Variants in KPNA7 observed in about 807,000 individuals in gnomAD.
KPNA7 encodes karyopherin subunit alpha 7.
Under a neutral mutation model 53.7 loss-of-function variants are expected in KPNA7, and 54 were observed. The observed-to-expected ratio is 1.01, with a 90% CI of 0.81 to 1.26. KPNA7 has a LOEUF of 1.26. KPNA7 is among the 50% of genes most tolerant of loss of function. The pLI is 0.00. For missense variants in KPNA7, 640 were observed against 644.5 expected (o/e 0.99, Z 0.07); for synonymous variants, 276 against 259.3 (o/e 1.06, Z -0.62).
At chr7:99,207,343 G>A (rs112266306) in intron 2 of KPNA7, 58 bp downstream of exon 2, 33 of 1,463,322 alleles carry the variant, frequency 2.3e-5, no homozygotes, top group Middle Eastern at 1.7e-4. Context: ...TCTTCACCCC[G>A]CTTTTTATGC....
At chr7:99,188,278 C>A in intron 7 of KPNA7, 22 bp downstream of exon 7, 1 of 1,542,690 alleles carries the variant, frequency 6.5e-7, no homozygotes, top group Non-Finnish European at 8.8e-7. Context: ...CTCGAATCCA[C>A]AGGGCCCAGG....
chr7:99,176,294 T>C (rs1178630888), intron 10 of KPNA7, among the ~76,000 whole-genome samples: 2 of 47,962 alleles, frequency 4.2e-5, no homozygotes, highest in Non-Finnish European at 8.0e-5. Flanking sequence ...CGAGACTACG[T>C]CTCAAAAAAA....
At chr7:99,187,102 C>A (rs1222033834) in intron 7 of KPNA7, among the ~76,000 whole-genome samples, 1 of 152,050 alleles carries the variant, frequency 6.6e-6, no homozygotes, top group Non-Finnish European at 1.5e-5. Context: ...GCCTGGCCAA[C>A]CTGGTGAAAC....
chr7:99,147,851 T>C, the KPNA7 span, among the ~76,000 whole-genome samples: 1 of 151,750 alleles, frequency 6.6e-6, no homozygotes, highest in Non-Finnish European at 1.5e-5. Context: ...CCCCCATCTC[T>C]ACAAAAAATT....
intron 10 of KPNA7, among the ~76,000 whole-genome samples, chr7:99,174,033 G>A (rs972227759): frequency 4.6e-5 from 7 of 152,208 alleles, no homozygotes; most frequent in East Asian, 1.9e-4. Context: ...CCCCAACCCC[G>A]CATCCGTGGC....
intron 9 of KPNA7, among the ~76,000 whole-genome samples, chr7:99,178,635 G>A (rs985068496): frequency 6.6e-6 from 1 of 151,852 alleles, no homozygotes; most frequent in Admixed American, 6.6e-5. Context: ...TTAACATTTT[G>A]TGTAGAGACA....
intron 6 of KPNA7, among the ~76,000 whole-genome samples, chr7:99,189,497 C>T (rs936096655): frequency 1.3e-5 from 2 of 152,144 alleles, no homozygotes; most frequent in African/African-American, 2.4e-5. Context: ...AGGAAACATA[C>T]CCTGGGACTG....
intron 9 of KPNA7, 121 bp downstream of exon 9, chr7:99,181,762 C>T: frequency 1.2e-6 from 1 of 848,272 alleles, no homozygotes. Context: ...AAATTCCTGA[C>T]CTCAGGTGAT....
chr7:99,210,227 A>G (rs1193146800), upstream of KPNA7, among the ~76,000 whole-genome samples: 3 of 152,126 alleles, frequency 2.0e-5, no homozygotes, highest in Admixed American at 6.6e-5. Context: ...GGGCCTTTGA[A>G]GTAGCTGCTC....
At chr7:99,173,540 A>C (rs1185337321), downstream of KPNA7, 3 of 555,682 alleles carry the variant, frequency 5.4e-6, no homozygotes, top group Non-Finnish European at 9.6e-6. Context: ...TTAAGATGCA[A>C]GTCGTTTATC....
upstream of KPNA7, among the ~76,000 whole-genome samples, chr7:99,208,487 A>G (rs974098265): frequency 6.6e-6 from 1 of 151,842 alleles, no homozygotes; most frequent in Non-Finnish European, 1.5e-5. Flanking sequence ...CTATCTCCTG[A>G]CCTCGTGATC....
At chr7:99,151,062 G>A in the KPNA7 span, among the ~76,000 whole-genome samples, 2 of 152,146 alleles carry the variant, frequency 1.3e-5, no homozygotes, top group Non-Finnish European at 2.9e-5. Flanking sequence ...GAGGTTTAAC[G>A]GCATCCGGTT....
chr7:99,208,350 G>C (rs191503057), upstream of KPNA7, among the ~76,000 whole-genome samples: 23 of 152,200 alleles, frequency 1.5e-4, no homozygotes, highest in African/African-American at 5.5e-4. Context: ...CCGCCTCCCG[G>C]GTTCACGCCA....
At chr7:99,214,526 G>A (rs1168317561) in intron 1 of KPNA7, among the ~76,000 whole-genome samples, 1 of 148,272 alleles carries the variant, frequency 6.7e-6, no homozygotes, top group African/African-American at 2.5e-5. Flanking sequence ...TACTTGGGAG[G>A]CTGAGGAGGG....
At chr7:99,207,653 T>G (rs1017348022) in intron 1 of KPNA7, 164 bp from the exon 2 acceptor site, 37 of 381,186 alleles carry the variant, frequency 9.7e-5, no homozygotes, top group African/African-American at 1.9e-4. Context: ...TTTTTTTTTT[T>G]GAGACAGAGT....
chr7:99,196,016 G>T (rs1415936364), intron 4 of KPNA7, 68 bp downstream of exon 4: 9 of 1,300,964 alleles, frequency 6.9e-6, no homozygotes, highest in Middle Eastern at 3.9e-4. Context: ...GGCCACCGGC[G>T]CTCCAGCCAT....
the KPNA7 span, among the ~76,000 whole-genome samples, chr7:99,160,867 A>T: frequency 1.3e-5 from 2 of 151,196 alleles, no homozygotes; most frequent in Non-Finnish European, 2.9e-5. Flanking sequence ...GAGTGATTGT[A>T]TGCCACCTTT....
rs1373902718 is a variant in KPNA7 at position 99,174,737 on chromosome 7, G to A, written c.1465-943C>T. Among the ~76,000 whole-genome samples the A allele has an allele frequency of 3.3e-5, 5 of 152,022 alleles. No homozygotes were observed. The East Asian group carries it at 9.6e-4, about 29-fold the overall frequency. On this transcript the variant is annotated intron_variant, in intron 10 of 10. Transcript: ENST00000327442. ...ATGATAGGTATAGTTACTACTTCTA[G>A]TCCAGAAATCTTTACCCTGGAGTTC...
Position 99,182,029 on chromosome 7 carries a change from C to A in KPNA7, c.1171G>T (p.Val391Leu). The change falls in exon 9 of 11, where the codon GTG becomes TTG. Residue 391 changes from valine to leucine, a missense_variant. By Grantham distance (32) the Val-to-Leu change is conservative (BLOSUM62 1). Transcript: ENST00000327442. ...GTGGCCCCTGTTGCAAAGTTCGCCA[C>A]CATCCAGACAGCCTCTTTCTGGACT... Reference protein sequence around the residue: ...FKVQKEAVWMVANFATGATMD... With the variant: ...FKVQKEAVWMLANFATGATMD... 1 of 1,545,854 alleles carries A rather than the reference C, an allele frequency of 6.5e-7. No individual in the cohort carries two copies. Among genetic ancestry groups the A allele is most frequent in the Non-Finnish European group, 8.8e-7 (1 of 1,142,446 alleles).
Sources: allele counts gnomAD v4.1 joint callset (sites outside exome capture counted in the v4.1 genomes callset), GRCh38; gene constraint gnomAD v4.1.1; transcripts MANE v1.5; gene names NCBI Gene and HGNC (gene_info 2026-07-23, HGNC 2026-07-21).